Variants in NRG1 observed in about 807,000 individuals in gnomAD.
The protein encoded by NRG1 is neuregulin 1.
Under a neutral mutation model 63.8 loss-of-function variants are expected in NRG1, and 18 were observed. The observed-to-expected ratio is 0.28, with a 90% CI of 0.19 to 0.42. NRG1 has a LOEUF of 0.42. Ranked by LOEUF, NRG1 falls within the 10% of genes least tolerant of loss-of-function variation. The pLI is 1.00. For synonymous variants in NRG1, 302 were observed against 301.3 expected, an observed-to-expected ratio of 1.00 and a Z score of -0.02; for missense variants, 762 against 814.7, an observed-to-expected ratio of 0.94 and a Z score of 0.79.
chr8:32,214,683 T>G (rs1845036570), intron 1 of NRG1, among the ~76,000 whole-genome samples: 1 of 152,118 alleles, frequency 6.6e-6, no homozygotes, highest in African/African-American at 2.4e-5. Context: ...GAGAGAGAAT[T>G]CTTTTTCCTT....
intron 1 of NRG1, among the ~76,000 whole-genome samples, chr8:32,040,409 C>T (rs77711314): frequency 0.034 from 5,211 of 152,142 alleles, 297 homozygotes; most frequent in African/African-American, 0.12. Context: ...GTTGCCAACT[C>T]ATGACTTAGT....
intron 1 of NRG1, among the ~76,000 whole-genome samples, chr8:32,358,836 A>T (rs190527168): frequency 3.9e-5 from 6 of 152,298 alleles, no homozygotes; most frequent in Admixed American, 3.9e-4. Flanking sequence ...CCAACACTTA[A>T]AGATCAAGAA....
intron 1 of NRG1, among the ~76,000 whole-genome samples, chr8:31,695,146 TA>T (rs1312475525): frequency 6.6e-6 from 1 of 151,862 alleles, no homozygotes; most frequent in Non-Finnish European, 1.5e-5. Flanking sequence ...AGGAAGAGAG[TA>T]AAAGGAGAAG....
intron 1 of NRG1, among the ~76,000 whole-genome samples, chr8:32,482,100 C>T (rs1006146551): frequency 6.6e-6 from 1 of 152,098 alleles, no homozygotes; most frequent in Non-Finnish European, 1.5e-5. Flanking sequence ...GGGAACAGAA[C>T]CGTGAACAGA....
At chr8:32,252,270 C>T (rs1170285539) in intron 1 of NRG1, among the ~76,000 whole-genome samples, 3 of 151,988 alleles carry the variant, frequency 2.0e-5, no homozygotes, top group Non-Finnish European at 4.4e-5. Flanking sequence ...AGTTTTTGCC[C>T]ATGCCTATGT....
intron 1 of NRG1, among the ~76,000 whole-genome samples, chr8:32,528,820 A>G (rs181414999): frequency 9.0e-4 from 137 of 152,356 alleles, no homozygotes; most frequent in African/African-American, 2.4e-3. Context: ...TGGTTCTTGT[A>G]TAAAGTTTCA....
intron 1 of NRG1, among the ~76,000 whole-genome samples, chr8:32,559,787 G>A (rs903914091): frequency 2.7e-5 from 4 of 149,502 alleles, no homozygotes; most frequent in Non-Finnish European, 4.4e-5. Context: ...GCTTGAGCTC[G>A]AGTTCAAGAC....
At chr8:31,801,766 T>C (rs1167028518) in intron 1 of NRG1, among the ~76,000 whole-genome samples, 1 of 152,248 alleles carries the variant, frequency 6.6e-6, no homozygotes, top group Admixed American at 6.5e-5. Flanking sequence ...ATAATATATT[T>C]CAGTATTTTT....
At chr8:31,791,640 TC>T (rs1373394320) in intron 1 of NRG1, among the ~76,000 whole-genome samples, 6 of 152,160 alleles carry the variant, frequency 3.9e-5, no homozygotes, top group Non-Finnish European at 8.8e-5. Context: ...AGTGGCTGGA[TC>T]TTCATGAGGT....
intron 1 of NRG1, among the ~76,000 whole-genome samples, chr8:32,536,949 A>AAAAAATT (rs1563600097): frequency 2.1e-5 from 3 of 141,698 alleles, no homozygotes; most frequent in African/African-American, 5.1e-5. Flanking sequence ...AAAAAAAAAA[A>AAAAAATT]TTCTGTTTGT....
chr8:31,810,821 C>A (rs1051392616), intron 1 of NRG1, among the ~76,000 whole-genome samples: 1 of 152,170 alleles, frequency 6.6e-6, no homozygotes, highest in African/African-American at 2.4e-5. Flanking sequence ...ACCAGCATAT[C>A]CTCTGAGGGT....
intron 1 of NRG1, among the ~76,000 whole-genome samples, chr8:31,843,817 G>T (rs1261403263): frequency 1.3e-5 from 2 of 152,084 alleles, no homozygotes; most frequent in East Asian, 3.8e-4. Context: ...GTGTGAATAG[G>T]CTATGGGGAA....
chr8:32,732,836 A>C (rs1189146891), intron 6 of NRG1, among the ~76,000 whole-genome samples: 3 of 95,366 alleles, frequency 3.1e-5, no homozygotes, highest in African/African-American at 4.3e-5. Flanking sequence ...ATGGAGTTTC[A>C]TGCTCTTGTT....
intron 5 of NRG1, among the ~76,000 whole-genome samples, chr8:32,688,459 T>C (rs777109703): frequency 2.0e-5 from 3 of 152,214 alleles, no homozygotes; most frequent in Non-Finnish European, 2.9e-5. Context: ...ATTTTTCTTA[T>C]CACACTGTAA....
At chr8:32,091,269 C>A (rs1829108033) in intron 1 of NRG1, among the ~76,000 whole-genome samples, 1 of 134,538 alleles carries the variant, frequency 7.4e-6, no homozygotes. Context: ...CAGAGCGAGA[C>A]TTGGTCTCAA....
At chr8:31,676,491 T>C (rs960083097) in intron 1 of NRG1, among the ~76,000 whole-genome samples, 2 of 152,138 alleles carry the variant, frequency 1.3e-5, no homozygotes, top group African/African-American at 4.8e-5. Flanking sequence ...CTTAGACCAT[T>C]TAGGTGGGGC....
intron 1 of NRG1, among the ~76,000 whole-genome samples, chr8:32,080,764 CGTGT>C (rs3084557): frequency 0.12 from 18,429 of 148,670 alleles, 1,682 homozygotes; most frequent in East Asian, 0.47. Context: ...TGTGTGTGTG[CGTGT>C]GTGTGTGTGT....
intron 1 of NRG1, among the ~76,000 whole-genome samples, chr8:32,337,772 C>A (rs1452330077): frequency 6.7e-6 from 1 of 150,348 alleles, no homozygotes; most frequent in Non-Finnish European, 1.5e-5. Flanking sequence ...CCTGCATATC[C>A]CTGCAATCTA....
At chr8:31,656,524 A>G (rs1029780542) in intron 1 of NRG1, among the ~76,000 whole-genome samples, 3 of 152,232 alleles carry the variant, frequency 2.0e-5, no homozygotes, top group South Asian at 4.1e-4. Context: ...TTATCTGGAC[A>G]TAAGTAGCAC....
Sources: allele counts gnomAD v4.1 joint callset (sites outside exome capture counted in the v4.1 genomes callset), GRCh38; gene constraint gnomAD v4.1.1; transcripts MANE v1.5; gene names NCBI Gene and HGNC (gene_info 2026-07-23, HGNC 2026-07-21).